Variants in DENND1A observed in about 807,000 individuals in gnomAD.
DENND1A encodes the protein DENN domain-containing protein 1A.
A neutral mutation model predicts 113.7 loss-of-function variants in DENND1A; 51 were observed. The observed-to-expected ratio is 0.45, with a 90% CI of 0.36 to 0.57. DENND1A has a LOEUF of 0.57. DENND1A is among the 20% of genes least tolerant of loss of function. The pLI is 0.00. For missense variants in DENND1A, 1,258 were observed against 1,395.9 expected (o/e 0.90, Z 1.57); for synonymous variants, 565 against 570.8 (o/e 0.99, Z 0.14).
At chr9:123,792,762 T>C in intron 2 of DENND1A, 132 bp from the exon 3 acceptor site, 1 of 888,580 alleles carries the variant, frequency 1.1e-6, no homozygotes, top group Non-Finnish European at 1.7e-6. Context: ...GAGGCTGCTA[T>C]GTTGATGAGC....
chr9:123,502,427 G>T (rs987496292), intron 13 of DENND1A, among the ~76,000 whole-genome samples: 13 of 152,102 alleles, frequency 8.5e-5, no homozygotes, highest in Non-Finnish European at 1.5e-4. Flanking sequence ...ATTCTGATTT[G>T]ATTTCCTGAA....
intron 18 of DENND1A, among the ~76,000 whole-genome samples, chr9:123,449,732 A>G (rs2047569100): frequency 6.6e-6 from 1 of 152,168 alleles, no homozygotes; most frequent in Non-Finnish European, 1.5e-5. Flanking sequence ...TCTAAGTGAA[A>G]TAACTCAGGA....
chr9:123,634,061 T>C (rs1047459979), intron 9 of DENND1A, among the ~76,000 whole-genome samples: 2 of 152,268 alleles, frequency 1.3e-5, no homozygotes, highest in African/African-American at 4.8e-5. Flanking sequence ...AACTTGATTA[T>C]GTGACTCTTT....
At chr9:123,795,654 A>G (rs867063322) in intron 2 of DENND1A, among the ~76,000 whole-genome samples, 27 of 152,328 alleles carry the variant, frequency 1.8e-4, no homozygotes, top group African/African-American at 6.5e-4. Flanking sequence ...GAAATGTTCT[A>G]TATCTTTATA....
At chr9:123,535,625 T>C (rs1350127198) in intron 13 of DENND1A, among the ~76,000 whole-genome samples, 1 of 152,222 alleles carries the variant, frequency 6.6e-6, no homozygotes, top group Non-Finnish European at 1.5e-5. Flanking sequence ...CAGGTTTCTG[T>C]ACTTGCTGTC....
chr9:123,582,842 G>A (rs910928122), intron 12 of DENND1A, among the ~76,000 whole-genome samples: 5 of 152,064 alleles, frequency 3.3e-5, no homozygotes, highest in Non-Finnish European at 4.4e-5. Context: ...GGGATTACAC[G>A]CATGCACCAC....
At chr9:123,580,399 T>C (rs1371181338) in intron 12 of DENND1A, among the ~76,000 whole-genome samples, 1 of 152,260 alleles carries the variant, frequency 6.6e-6, no homozygotes, top group Non-Finnish European at 1.5e-5. Flanking sequence ...TGCTATACTG[T>C]AATAGATATG....
At chr9:123,850,628 C>T (rs73669004) in intron 2 of DENND1A, among the ~76,000 whole-genome samples, 2,317 of 152,254 alleles carry the variant, frequency 0.015, 45 homozygotes, top group African/African-American at 0.053. Context: ...AATCCCAGCC[C>T]TACTACTTGA....
intron 1 of DENND1A, among the ~76,000 whole-genome samples, chr9:123,923,878 T>C (rs1856678483): frequency 6.6e-6 from 1 of 152,160 alleles, no homozygotes; most frequent in African/African-American, 2.4e-5. Context: ...ATTTTAACAG[T>C]TTCTCAAAAT....
chr9:123,574,970 T>C (rs1395487565), intron 12 of DENND1A, among the ~76,000 whole-genome samples: 4 of 152,246 alleles, frequency 2.6e-5, no homozygotes, highest in African/African-American at 7.2e-5. Context: ...GGATCCTACA[T>C]TGCATTTAGT....
intron 5 of DENND1A, among the ~76,000 whole-genome samples, chr9:123,703,360 T>C (rs2065993073): frequency 6.6e-6 from 1 of 152,192 alleles, no homozygotes; most frequent in East Asian, 1.9e-4. Context: ...CAGGGGAGGA[T>C]GTACAGTTAA....
Position 123,921,109 on chromosome 9 carries a change from A to T in DENND1A, c.17+8780T>A, listed in dbSNP as rs541120134. Among the ~76,000 whole-genome samples, 339 of 152,332 alleles carry T rather than the reference A, an allele frequency of 2.2e-3. 3 individuals are homozygous for T. Among genetic ancestry groups the T allele is most frequent in the African/African-American group, 7.7e-3 (320 of 41,582 alleles). ...TAAAAACAAAACCAAAAAAAACTGT[A>T]ATACTATAAAAAGGAACATACTTGC... On this transcript the variant is annotated intron_variant, in intron 1 of 23. Transcript: ENST00000394215.
In DENND1A at chr9:123,403,452, C is replaced by A; in HGVS notation, c.1581G>T (p.Lys527Asn). 1 of 1,614,184 alleles carries A rather than the reference C, an allele frequency of 6.2e-7. No individual in the cohort carries two copies. Among genetic ancestry groups the A allele is most frequent in the South Asian group, 1.1e-5 (1 of 91,072 alleles). The change falls in exon 21 of 24, where the codon AAG becomes AAT. Residue 527 changes from lysine to asparagine, a missense_variant. Lys to Asn is a moderately conservative substitution (Grantham distance 94). This residue lies in a region of DENND1A where 1,159 missense variants were observed against 1,231.7 expected (regional missense o/e 0.94). Coordinates refer to ENST00000394215, the MANE Select transcript of DENND1A (RefSeq NM_001352964.2). Reference sequence around the variant, plus strand: ...TCCGGCCTTCCACTGCGATGTTGCTCTTTGGTCTCTTAACAACATGTGGAC... The same window carrying A: ...TCCGGCCTTCCACTGCGATGTTGCTATTTGGTCTCTTAACAACATGTGGAC... ...PPRPHVVKRP[K>N]SNIAVEGRRT...
intron 9 of DENND1A, among the ~76,000 whole-genome samples, chr9:123,650,805 A>T (rs2062603759): frequency 6.6e-6 from 1 of 150,604 alleles, no homozygotes; most frequent in South Asian, 2.1e-4. Flanking sequence ...TACTTGGGTG[A>T]CTGAAGCAAG....
rs536627101 is a variant in DENND1A at position 123,903,938 on chromosome 9, G to C, written c.18-24917C>G. 2.2e-3 allele frequency among the ~76,000 whole-genome samples: 337 copies of C among 152,260 alleles called. 3 individuals carry two copies. The highest frequency in any genetic ancestry group is 7.7e-3 in the African/African-American group (318 of 41,498). The stretch of plus-strand genomic sequence containing the variant: ...GGGGAAGGGCACAGACAAACAAAAA[G>C]ACAGCAGTAACCTCTGCAGACTTAA... On this transcript the variant is annotated intron_variant, in intron 1 of 23. Transcript: ENST00000394215.
chr9:123,494,702 C>T (rs972868923), intron 13 of DENND1A, among the ~76,000 whole-genome samples: 3 of 152,192 alleles, frequency 2.0e-5, no homozygotes, highest in African/African-American at 7.2e-5. Flanking sequence ...AAGCCTTACC[C>T]CACCTTCTAA....
chr9:123,473,276 G>A (rs762610533), intron 13 of DENND1A, among the ~76,000 whole-genome samples: 9 of 152,148 alleles, frequency 5.9e-5, no homozygotes, highest in Non-Finnish European at 1.3e-4. Flanking sequence ...AGGAGGAGGG[G>A]TGCAGGGAGG....
intron 20 of DENND1A, among the ~76,000 whole-genome samples, chr9:123,410,580 C>T (rs374951219): frequency 9.9e-5 from 15 of 152,102 alleles, no homozygotes; most frequent in African/African-American, 3.1e-4. Flanking sequence ...CCACCCACAG[C>T]GGGGAAGGGA....
intron 5 of DENND1A, among the ~76,000 whole-genome samples, chr9:123,708,825 T>A (rs2066399342): frequency 6.6e-6 from 1 of 152,214 alleles, no homozygotes; most frequent in Admixed American, 6.5e-5. Context: ...ACCTAAGACT[T>A]GAATTTTGCT....
Sources: allele counts gnomAD v4.1 joint callset (sites outside exome capture counted in the v4.1 genomes callset), GRCh38; gene constraint gnomAD v4.1.1; regional missense constraint gnomAD v4.1.1; transcripts MANE v1.5; gene names NCBI Gene and HGNC (gene_info 2026-07-23, HGNC 2026-07-21).